CREBL2: variants seen among roughly 807,000 people sequenced by gnomAD.
CREBL2 encodes the protein cAMP responsive element binding protein like 2, also known as cAMP-responsive element-binding protein-like 2.
Under a neutral mutation model 19.5 loss-of-function variants are expected in CREBL2, and 4 were observed. That is an observed-to-expected ratio of 0.20 (90% CI 0.10 to 0.47). CREBL2 has a LOEUF of 0.47. CREBL2 is among the 20% of genes least tolerant of loss of function. The pLI, the probability that CREBL2 is intolerant of heterozygous loss-of-function variation, is 0.98. For synonymous variants in CREBL2, 42 were observed against 46.6 expected, an observed-to-expected ratio of 0.90 and a Z score of 0.40; for missense variants, 85 against 145.1, an observed-to-expected ratio of 0.59 and a Z score of 2.13.
intron 1 of CREBL2, among the ~76,000 whole-genome samples, chr12:12,633,958 A>T (rs1182121512): frequency 6.6e-6 from 1 of 152,232 alleles, no homozygotes; most frequent in Admixed American, 6.5e-5. Flanking sequence ...GACACTAAAG[A>T]TATAAAATGT....
intron 2 of CREBL2, 43 bp downstream of exon 2, chr12:12,636,017 G>C: frequency 6.5e-7 from 1 of 1,536,928 alleles, no homozygotes; most frequent in Non-Finnish European, 8.9e-7. Flanking sequence ...CACCTTAACA[G>C]TCAAATAAAT....
intron 1 of CREBL2, among the ~76,000 whole-genome samples, chr12:12,627,706 G>A (rs906530554): frequency 6.6e-6 from 1 of 152,138 alleles, no homozygotes; most frequent in African/African-American, 2.4e-5. Flanking sequence ...GTTCTAATGT[G>A]GACCTATGTT....
Position 12,642,390 on chromosome 12 carries a change from C to T in CREBL2, c.*392C>T, listed in dbSNP as rs1190530097. On this transcript the variant is annotated 3_prime_UTR_variant, in exon 4 of 4. Transcript: ENST00000228865. The stretch of plus-strand genomic sequence containing the variant: ...GTATGTCTGTGTGTGTTTTATGTGT[C>T]ACCACCTTTCATGTTTTTGATTGCC... 6.3e-6 allele frequency: 1 copy of T among 159,438 alleles called. No homozygotes were observed. Among genetic ancestry groups the T allele is most frequent in the African/African-American group, 2.4e-5 (1 of 41,748 alleles). 9.9% of individuals were successfully genotyped at this position (159,438 alleles called of 1,614,324 possible).
intron 1 of CREBL2, among the ~76,000 whole-genome samples, chr12:12,628,801 G>C (rs937586490): frequency 1.3e-5 from 2 of 152,058 alleles, no homozygotes; most frequent in African/African-American, 4.8e-5. Flanking sequence ...TTTTGTATAT[G>C]GTACGAGGTA....
rs1945545044 is a variant in CREBL2, at chr12:12,643,842, T to C, written c.*1844T>C. On this transcript the variant is annotated 3_prime_UTR_variant, in exon 4 of 4. Coordinates refer to ENST00000228865, the MANE Select transcript of CREBL2 (RefSeq NM_001310.4). The stretch of plus-strand genomic sequence containing the variant: ...TCAGGCCTTCAGAATTTAAGGGTTT[T>C]AAATATAGCATTCAGATTGTAATTG... 1 of 152,662 alleles carries C rather than the reference T, an allele frequency of 6.6e-6. No homozygotes were observed. Among genetic ancestry groups the C allele is most frequent in the Admixed American group, 6.5e-5 (1 of 15,284 alleles). The allele number at this position is 152,662 out of a possible 1,614,324, so 9.5% of individuals were successfully genotyped here.
Position 12,611,886 on chromosome 12 carries a change from G to C in CREBL2, c.-287G>C. On this transcript the variant is annotated 5_prime_UTR_variant, in exon 1 of 4. Coordinates refer to ENST00000228865, the MANE Select transcript of CREBL2 (RefSeq NM_001310.4). Reference sequence around the variant, plus strand: ...TCCCGCCCACCCTCCGGTCTCGGCGGCTCTCCAGAGCGTCTGTAAACACCC... The same window carrying C: ...TCCCGCCCACCCTCCGGTCTCGGCGCCTCTCCAGAGCGTCTGTAAACACCC... The C allele has an allele frequency of 2.0e-6, 1 of 506,004 alleles. No homozygotes were observed. The highest frequency in any genetic ancestry group is 3.8e-5 in the Admixed American group (1 of 26,416). 31.3% of individuals were successfully genotyped at this position (506,004 alleles called of 1,614,324 possible).
chr12:12,627,149 G>A (rs1302846618), intron 1 of CREBL2, among the ~76,000 whole-genome samples: 1 of 152,118 alleles, frequency 6.6e-6, no homozygotes, highest in Non-Finnish European at 1.5e-5. Flanking sequence ...ACCACACCAA[G>A]AGTGAACTCT....
chr12:12,625,622 C>A (rs1945395976), intron 1 of CREBL2, among the ~76,000 whole-genome samples: 1 of 152,116 alleles, frequency 6.6e-6, no homozygotes, highest in African/African-American at 2.4e-5. Flanking sequence ...TGCCATGATA[C>A]AAATCTAGGG....
At chr12:12,630,427 G>A (rs1566111388) in intron 1 of CREBL2, among the ~76,000 whole-genome samples, 1 of 151,828 alleles carries the variant, frequency 6.6e-6, no homozygotes, top group Non-Finnish European at 1.5e-5. Context: ...TTTTATTTCT[G>A]TAGTGTTAGT....
intron 3 of CREBL2, among the ~76,000 whole-genome samples, chr12:12,641,250 A>AATTTT (rs1945515565): frequency 1.7e-5 from 1 of 58,020 alleles, no homozygotes; most frequent in Non-Finnish European, 3.5e-5. Context: ...TATTATTATT[A>AATTTT]TTATTTTTTT....
chr12:12,641,617 C>A (rs555599987), intron 3 of CREBL2, among the ~76,000 whole-genome samples: 2 of 152,118 alleles, frequency 1.3e-5, no homozygotes, highest in South Asian at 2.1e-4. Flanking sequence ...CTAGAACAAA[C>A]TTCTTATGTT....
intron 2 of CREBL2, 49 bp from the exon 3 acceptor site, chr12:12,637,521 T>A: frequency 8.5e-7 from 1 of 1,172,332 alleles, no homozygotes. Flanking sequence ...AAAGTTAATT[T>A]AAATATGTTT....
At chr12:12,618,779 G>A (rs182705690) in intron 1 of CREBL2, among the ~76,000 whole-genome samples, 142 of 152,300 alleles carry the variant, frequency 9.3e-4, no homozygotes, top group African/African-American at 3.2e-3. Flanking sequence ...CTGCAATCCC[G>A]GCACCTCGGG....
At chr12:12,636,470 G>T (rs1945476435) in intron 2 of CREBL2, among the ~76,000 whole-genome samples, 1 of 151,908 alleles carries the variant, frequency 6.6e-6, no homozygotes, top group Admixed American at 6.6e-5. Context: ...GCCCAGGCTG[G>T]AGTGCAGGGC....
chr12:12,624,955 A>G (rs1164364474), intron 1 of CREBL2, among the ~76,000 whole-genome samples: 2 of 152,210 alleles, frequency 1.3e-5, no homozygotes, highest in African/African-American at 2.4e-5. Context: ...ACTGGTAGGT[A>G]ATCTTCCCTT....
chr12:12,628,991 G>GT (rs1226909103), intron 1 of CREBL2, among the ~76,000 whole-genome samples: 1 of 152,134 alleles, frequency 6.6e-6, no homozygotes, highest in Non-Finnish European at 1.5e-5. Context: ...GTCTGTCCTT[G>GT]TGCCAGTATT....
In CREBL2 at chr12:12,629,550, A is replaced by G. The variant is rs1022178458; in HGVS notation, c.16-6227A>G. 4.6e-5 allele frequency among the ~76,000 whole-genome samples: 7 copies of G among 152,134 alleles called. No homozygotes were observed. In the East Asian group the frequency reaches 7.7e-4, roughly 17 times the overall value. Reference sequence around the variant, plus strand: ...AGAATTCTTTTGGATTGGATTTTCTATATATAAAATCATGTCACCTTCAAG... The same window carrying G: ...AGAATTCTTTTGGATTGGATTTTCTGTATATAAAATCATGTCACCTTCAAG... On this transcript the variant is annotated intron_variant, in intron 1 of 3. Transcript: ENST00000228865.
At chr12:12,627,553 A>T (rs995177602) in intron 1 of CREBL2, among the ~76,000 whole-genome samples, 4 of 152,220 alleles carry the variant, frequency 2.6e-5, no homozygotes, top group African/African-American at 9.6e-5. Flanking sequence ...GTGTGTCAGC[A>T]CTTCATTCCA....
intron 2 of CREBL2, among the ~76,000 whole-genome samples, chr12:12,636,616 T>A (rs1410870399): frequency 6.6e-6 from 1 of 151,984 alleles, no homozygotes; most frequent in East Asian, 1.9e-4. Flanking sequence ...AGAGATGGGG[T>A]TTCACTGCAT....
Sources: allele counts gnomAD v4.1 joint callset (sites outside exome capture counted in the v4.1 genomes callset), GRCh38; gene constraint gnomAD v4.1.1; transcripts MANE v1.5; gene names NCBI Gene and HGNC (gene_info 2026-07-23, HGNC 2026-07-21).